METTL6: variants seen among roughly 807,000 people sequenced by gnomAD.
The protein encoded by METTL6 is methyltransferase 6, tRNA N3-cytidine.
Under a neutral mutation model 26.4 loss-of-function variants are expected in METTL6, and 22 were observed. That is an observed-to-expected ratio of 0.83 (90% CI 0.59 to 1.19). The LOEUF (loss-of-function observed/expected upper bound fraction) is 1.19, where lower values mean the gene tolerates loss of function less well. METTL6 is among the 50% of genes most tolerant of loss of function. METTL6 has a pLI of 0.00. For missense variants in METTL6, 304 were observed against 324.8 expected (o/e 0.94, Z 0.49); for synonymous variants, 109 against 116.2 (o/e 0.94, Z 0.40).
At chr3:15,423,589 A>G (rs997694743) in intron 3 of METTL6, among the ~76,000 whole-genome samples, 11 of 151,472 alleles carry the variant, frequency 7.3e-5, no homozygotes, top group African/African-American at 2.7e-4. Flanking sequence ...AAAACTAGCC[A>G]GGGTCAGCTG....
intron 4 of METTL6, chr3:15,415,003 C>T: frequency 1.4e-5 from 15 of 1,095,298 alleles, no homozygotes; most frequent in East Asian, 9.1e-5. Context: ...TTTTATTCAC[C>T]ATCTCCTAGT....
At chr3:15,386,129 C>G (rs2124887564) in intron 6 of METTL6, among the ~76,000 whole-genome samples, 1 of 152,254 alleles carries the variant, frequency 6.6e-6, no homozygotes, top group South Asian at 2.1e-4. Flanking sequence ...AGTTTTCTGG[C>G]AAAGGGTGGG....
chr3:15,424,931 A>G (rs1250882864), intron 3 of METTL6, 24 bp downstream of exon 3: 2 of 1,612,960 alleles, frequency 1.2e-6, no homozygotes, highest in East Asian at 2.2e-5. Flanking sequence ...GAAACACAGC[A>G]GAATACATAG....
At chr3:15,397,430 T>C (rs1183649454) in intron 6 of METTL6, among the ~76,000 whole-genome samples, 1 of 152,034 alleles carries the variant, frequency 6.6e-6, no homozygotes, top group Non-Finnish European at 1.5e-5. Flanking sequence ...CCCTTGTGCT[T>C]CCCCGGGGAG....
intron 5 of METTL6, among the ~76,000 whole-genome samples, chr3:15,413,197 A>G (rs559021869): frequency 2.0e-5 from 3 of 152,308 alleles, no homozygotes; most frequent in Admixed American, 6.5e-5. Flanking sequence ...GTGAGCCAAG[A>G]TCATGCCACT....
At chr3:15,393,302 G>C (rs1428401867) in intron 6 of METTL6, among the ~76,000 whole-genome samples, 2 of 152,138 alleles carry the variant, frequency 1.3e-5, no homozygotes, top group African/African-American at 4.8e-5. Context: ...CTGTTTGTCT[G>C]TTATTGGTGT....
At position 15,426,286 on chromosome 3, in the gene METTL6, C is replaced by T; in HGVS notation, c.225+1G>A. ...TCAGATAAGGCGTAATATTAGCTTA[C>T]CTCTCTACATGATCTTAGCTCCTCA... is the stretch of plus-strand genomic sequence containing the variant. On this transcript the variant is annotated splice_donor_variant, in intron 2 of 5. Transcript: ENST00000383790. LOFTEE classifies it high-confidence loss of function. The T allele has an allele frequency of 1.2e-6, 2 of 1,612,582 alleles. No homozygotes were observed. Among genetic ancestry groups the T allele is most frequent in the Non-Finnish European group, 1.7e-6 (2 of 1,178,720 alleles).
At chr3:15,412,515 C>T (rs1465201705) in intron 5 of METTL6, among the ~76,000 whole-genome samples, 3 of 151,868 alleles carry the variant, frequency 2.0e-5, no homozygotes, top group Non-Finnish European at 2.9e-5. Flanking sequence ...ATAGGCTTCT[C>T]GCCCTGTCGC....
At chr3:15,411,653 G>C (rs1699969537) in intron 5 of METTL6, among the ~76,000 whole-genome samples, 1 of 151,782 alleles carries the variant, frequency 6.6e-6, no homozygotes, top group Non-Finnish European at 1.5e-5. Flanking sequence ...ATCAGAACAA[G>C]GTGAAGGACA....
At chr3:15,421,803 T>C (rs1447368191) in intron 3 of METTL6, among the ~76,000 whole-genome samples, 1 of 152,064 alleles carries the variant, frequency 6.6e-6, no homozygotes, top group Non-Finnish European at 1.5e-5. Flanking sequence ...TCCCAGCTAC[T>C]TGGGAGGCTG....
At chr3:15,405,183 C>T (rs372153288), downstream of METTL6, among the ~76,000 whole-genome samples, 9 of 152,156 alleles carry the variant, frequency 5.9e-5, no homozygotes, top group East Asian at 1.9e-4. Flanking sequence ...AAATTAGGAC[C>T]CTTCATTGGT....
downstream of METTL6, among the ~76,000 whole-genome samples, chr3:15,408,013 G>T (rs1699847053): frequency 6.6e-6 from 1 of 152,172 alleles, no homozygotes; most frequent in African/African-American, 2.4e-5. Flanking sequence ...CTGTAATGCA[G>T]TTTGTGTGGA....
intron 6 of METTL6, among the ~76,000 whole-genome samples, chr3:15,393,218 T>C (rs1346088019): frequency 6.6e-6 from 1 of 152,212 alleles, no homozygotes; most frequent in Non-Finnish European, 1.5e-5. Context: ...TCACGTCCCT[T>C]GTAAGTTGGA....
intron 3 of METTL6, among the ~76,000 whole-genome samples, chr3:15,418,913 A>G (rs1182056905): frequency 6.6e-6 from 1 of 152,146 alleles, no homozygotes; most frequent in African/African-American, 2.4e-5. Flanking sequence ...CAAGACATAA[A>G]ATAGAACTTC....
At chr3:15,419,861 CTT>C (rs1324825917) in intron 3 of METTL6, among the ~76,000 whole-genome samples, 44 of 132,296 alleles carry the variant, frequency 3.3e-4, no homozygotes, top group African/African-American at 6.6e-4. Context: ...AACTGTTTTT[CTT>C]TTTTTTTTTT....
intron 6 of METTL6, among the ~76,000 whole-genome samples, chr3:15,396,093 C>T (rs1463782720): frequency 6.6e-6 from 1 of 152,208 alleles, no homozygotes; most frequent in Non-Finnish European, 1.5e-5. Flanking sequence ...AGAGTGTTTT[C>T]CAACTTGGTT....
At position 15,386,060 on chromosome 3, in the gene METTL6, A is replaced by G. The variant is rs368474806; in HGVS notation, c.*12-1873T>C. ...GCAGAGCAGAGGCATGGGCTGCTCT[A>G]TGAGTAAACTTATGGTTATTTCTTG... On this transcript the variant is annotated intron_variant, in intron 6 of 6. Transcript: ENST00000443029. 4.6e-5 allele frequency among the ~76,000 whole-genome samples: 7 copies of G among 152,326 alleles called. No homozygotes were observed. The East Asian group carries it at 7.7e-4, about 17-fold the overall frequency.
chr3:15,394,131 C>CTT (rs1312159799), intron 6 of METTL6, among the ~76,000 whole-genome samples: 1 of 152,196 alleles, frequency 6.6e-6, no homozygotes, highest in Middle Eastern at 3.4e-3. Context: ...TGGTCCTGGA[C>CTT]TTTTTTTGGT....
chr3:15,405,303 A>C (rs1699755403), downstream of METTL6, among the ~76,000 whole-genome samples: 1 of 152,230 alleles, frequency 6.6e-6, no homozygotes, highest in African/African-American at 2.4e-5. Flanking sequence ...GAAAGTAAAC[A>C]CCTTCAGAAG....
Sources: allele counts gnomAD v4.1 joint callset (sites outside exome capture counted in the v4.1 genomes callset), GRCh38; gene constraint gnomAD v4.1.1; transcripts MANE v1.5; gene names NCBI Gene and HGNC (gene_info 2026-07-23, HGNC 2026-07-21).